The following LOXL2 variants were observed in gnomAD, a reference collection of about 807,000 sequenced individuals.
The protein encoded by LOXL2 is lysyl oxidase homolog 2.
Under a neutral mutation model 93.0 loss-of-function variants are expected in LOXL2, and 70 were observed. The observed-to-expected ratio is 0.75, with a 90% CI of 0.62 to 0.92. The LOEUF is 0.92. Ranked by LOEUF, LOXL2 falls within the 40% of genes least tolerant of loss-of-function variation. LOXL2 has a pLI of 0.00. For missense variants in LOXL2, 973 were observed against 1,054.9 expected (o/e 0.92, Z 1.08); for synonymous variants, 438 against 413.2 (o/e 1.06, Z -0.73).
In LOXL2 at chr8:23,301,389, G is replaced by A. The variant is rs1585339938; in HGVS notation, c.2133+638C>T. ...GCCAAGGCCCCCTTGTTCCTCCTCAGGGCTGGCCTTCCACCCAGAGTATGT... is the reference window on the plus strand; with the variant it reads ...GCCAAGGCCCCCTTGTTCCTCCTCAAGGCTGGCCTTCCACCCAGAGTATGT... On this transcript the variant is annotated intron_variant, in intron 12 of 13. Transcript: ENST00000389131. Among the ~76,000 whole-genome samples the A allele has an allele frequency of 2.0e-5, 3 of 152,196 alleles. No individual in the cohort carries two copies. In the East Asian group the frequency reaches 5.8e-4, roughly 29 times the overall value.
At chr8:23,342,320 C>A (rs147985851) in intron 3 of LOXL2, among the ~76,000 whole-genome samples, 155 of 152,318 alleles carry the variant, frequency 1.0e-3, no homozygotes, top group Non-Finnish European at 1.7e-3. Flanking sequence ...GAAGCTCCCC[C>A]CTAAATCACT....
At chr8:23,337,134 A>C (rs1803806424) in intron 4 of LOXL2, 2 of 152,218 alleles carry the variant, frequency 1.3e-5, no homozygotes, top group African/African-American at 4.8e-5. Context: ...GAGGAACATC[A>C]TGATCAACCA....
At chr8:23,298,784 AAAGT>A in intron 13 of LOXL2, 48 bp downstream of exon 13, 1 of 1,154,970 alleles carries the variant, frequency 8.7e-7, no homozygotes, top group Non-Finnish European at 1.3e-6. Flanking sequence ...GGTCCTTGAG[AAAGT>A]AGGGCAGCTC....
intron 9 of LOXL2, among the ~76,000 whole-genome samples, chr8:23,314,407 T>C (rs1160974920): frequency 7.1e-6 from 1 of 140,634 alleles, no homozygotes; most frequent in African/African-American, 2.6e-5. Flanking sequence ...TGTCCAACAA[T>C]GATAGACTGG....
At chr8:23,354,802 C>T (rs1187498961) in intron 3 of LOXL2, among the ~76,000 whole-genome samples, 3 of 151,722 alleles carry the variant, frequency 2.0e-5, no homozygotes, top group South Asian at 2.1e-4. Flanking sequence ...TTGTCCAGTT[C>T]GTGCTTGAAT....
At chr8:23,394,810 G>A (rs1243122474) in intron 1 of LOXL2, among the ~76,000 whole-genome samples, 1 of 148,702 alleles carries the variant, frequency 6.7e-6, no homozygotes, top group Admixed American at 6.8e-5. Context: ...ACTTTTACAT[G>A]AATGTTCATA....
At chr8:23,361,183 G>A (rs1012760605) in intron 2 of LOXL2, among the ~76,000 whole-genome samples, 9 of 152,172 alleles carry the variant, frequency 5.9e-5, no homozygotes, top group Non-Finnish European at 1.3e-4. Flanking sequence ...ACAGGCGTGA[G>A]GCACTGCGCC....
intron 1 of LOXL2, among the ~76,000 whole-genome samples, chr8:23,403,227 T>G (rs1024857795): frequency 6.6e-6 from 1 of 152,116 alleles, no homozygotes; most frequent in Non-Finnish European, 1.5e-5. Context: ...TAGCCGTGGG[T>G]TCGCTCGTGC....
At chr8:23,365,259 C>A (rs1804379757) in intron 2 of LOXL2, 1 of 152,332 alleles carries the variant, frequency 6.6e-6, no homozygotes, top group Non-Finnish European at 1.5e-5. Context: ...CCCACCGGAG[C>A]AAGCCCTGGG....
In LOXL2 at chr8:23,322,208, A is replaced by T; in HGVS notation, c.1224T>A (p.Asn408Lys). Reference protein sequence around the residue: ...NEKSIIDCKFNAESQGCNHEE... With the variant: ...NEKSIIDCKFKAESQGCNHEE... ...CGTGGTTGCAGCCCTGAGACTCGGC[A>T]TTGAACTTGCAGTCTATAATGGACT... The change falls in exon 7 of 14, where the codon AAT (asparagine) becomes AAA (lysine). Residue 408 changes from asparagine to lysine, a missense_variant. Transcript: ENST00000389131. 1 of 1,614,220 alleles carries T rather than the reference A, an allele frequency of 6.2e-7. No homozygotes were observed. The highest frequency in any genetic ancestry group is 8.5e-7 in the Non-Finnish European group (1 of 1,180,034).
chr8:23,330,702 C>A (rs910993722), intron 5 of LOXL2, among the ~76,000 whole-genome samples: 2 of 151,466 alleles, frequency 1.3e-5, no homozygotes, highest in Admixed American at 6.6e-5. Flanking sequence ...ACAGTAGGAT[C>A]TGGTATTCTG....
At chr8:23,319,346 G>T (rs1012712938) in intron 8 of LOXL2, among the ~76,000 whole-genome samples, 2 of 152,226 alleles carry the variant, frequency 1.3e-5, no homozygotes, top group South Asian at 2.1e-4. Flanking sequence ...CTTTGGAGAG[G>T]GGGCAGTGGG....
chr8:23,342,711 A>T (rs7822279), intron 3 of LOXL2, among the ~76,000 whole-genome samples: 1 of 151,840 alleles, frequency 6.6e-6, no homozygotes, highest in Non-Finnish European at 1.5e-5. Context: ...GATTACAGGC[A>T]TGAGCCACCG....
At chr8:23,318,462 A>ACACAC (rs1563188784) in intron 8 of LOXL2, among the ~76,000 whole-genome samples, 4,446 of 108,126 alleles carry the variant, frequency 0.041, 78 homozygotes, top group Non-Finnish European at 0.053. Context: ...CACACACACA[A>ACACAC]AAATACACAT....
rs770555778 is a variant in LOXL2, at chr8:23,320,034, G to A, written c.1321C>T (p.Arg441Cys). 1.2e-5 allele frequency: 20 copies of A among 1,613,844 alleles called. No homozygotes were observed. Among genetic ancestry groups the A allele is most frequent in the East Asian group, 4.5e-5 (2 of 44,894 alleles). ...TCCACTCGGCCCTCGTAGGGATTGC[G>A]GCCGCCGTTCAGGCGCAGCTGCAGA... ...LQKKLRLNGG[R>C]NPYEGRVEVL... Residue 441 changes from arginine (R) to cysteine (C), a missense_variant, in exon 8 of 14, where the codon CGC becomes TGC. Coordinates refer to ENST00000389131, the MANE Select transcript of LOXL2 (RefSeq NM_002318.3).
chr8:23,309,993 C>T (rs1162067309), intron 9 of LOXL2, 82 bp from the exon 10 acceptor site: 3 of 1,373,490 alleles, frequency 2.2e-6, no homozygotes, highest in South Asian at 1.9e-5. Context: ...CTGGGACAAA[C>T]CCCCTCTCCT....
At chr8:23,376,325 G>A (rs1236932672) in intron 1 of LOXL2, among the ~76,000 whole-genome samples, 1 of 152,204 alleles carries the variant, frequency 6.6e-6, no homozygotes, top group African/African-American at 2.4e-5. Context: ...TTGATGTGCT[G>A]CTGGGTTCAG....
At chr8:23,351,586 G>A (rs1162647649) in intron 3 of LOXL2, among the ~76,000 whole-genome samples, 2 of 152,186 alleles carry the variant, frequency 1.3e-5, no homozygotes, top group African/African-American at 4.8e-5. Flanking sequence ...AGAATGTTAT[G>A]TATTGGTTTA....
At chr8:23,359,910 C>T (rs1490458048) in intron 3 of LOXL2, among the ~76,000 whole-genome samples, 180 bp downstream of exon 3, 1 of 152,216 alleles carries the variant, frequency 6.6e-6, no homozygotes, top group Admixed American at 6.5e-5. Flanking sequence ...GCCCTTTCCC[C>T]ATGGATGGGA....
Sources: allele counts gnomAD v4.1 joint callset (sites outside exome capture counted in the v4.1 genomes callset), GRCh38; gene constraint gnomAD v4.1.1; transcripts MANE v1.5; gene names NCBI Gene and HGNC (gene_info 2026-07-23, HGNC 2026-07-21).